Variants in CTBP1 observed in about 807,000 individuals in gnomAD.
CTBP1 encodes C-terminal-binding protein 1.
A neutral mutation model predicts 42.1 loss-of-function variants in CTBP1; 11 were observed. That is an observed-to-expected ratio of 0.26 (90% confidence interval 0.16 to 0.43). The LOEUF (loss-of-function observed/expected upper bound fraction) is 0.43, where lower values mean the gene tolerates loss of function less well. CTBP1 is among the 20% of genes least tolerant of loss of function. CTBP1 has a pLI of 1.00. For synonymous variants in CTBP1, 324 were observed against 277.1 expected (o/e 1.17, Z -1.68); for missense variants, 399 against 624.3 (o/e 0.64, Z 3.85).
At chr4:1,227,592 C>T (rs374507125) in intron 4 of CTBP1, among the ~76,000 whole-genome samples, 2 of 149,072 alleles carry the variant, frequency 1.3e-5, no homozygotes, top group African/African-American at 5.0e-5. Flanking sequence ...GATCCGTGTG[C>T]TGAGTGCATG....
intron 3 of CTBP1, among the ~76,000 whole-genome samples, chr4:1,231,642 G>A (rs1022928468): frequency 2.0e-5 from 3 of 152,236 alleles, no homozygotes; most frequent in South Asian, 4.1e-4. Flanking sequence ...TACCTTTCCA[G>A]ACCTCGTGCA....
At chr4:1,242,415 G>A (rs1465829678) in intron 1 of CTBP1, 22 of 985,360 alleles carry the variant, frequency 2.2e-5, no homozygotes, top group African/African-American at 7.0e-5. Context: ...GGGCTGAGAC[G>A]ACTGCCTGCC....
At chr4:1,246,579 C>T (rs1345594559) in intron 1 of CTBP1, among the ~76,000 whole-genome samples, 1 of 152,264 alleles carries the variant, frequency 6.6e-6, no homozygotes, top group Non-Finnish European at 1.5e-5. Context: ...TTCTCAGCAA[C>T]ACTAGTGGTG....
Position 1,223,027 on chromosome 4 carries a change from C to G in CTBP1, c.514+2333G>C, listed in dbSNP as rs575122873. 3.3e-5 allele frequency among the ~76,000 whole-genome samples: 5 copies of G among 152,306 alleles called. 1 individual carries two copies. Among genetic ancestry groups the G allele is most frequent in the African/African-American group, 9.6e-5 (4 of 41,560 alleles). ...GGCGGTGACCTGCAGGCAAGGCACA[C>G]ATGAGGCGCCTCCTGTCCTGTGGGC... On this transcript the variant is annotated intron_variant, in intron 5 of 9. Coordinates refer to ENST00000382952, the MANE Select transcript of CTBP1 (RefSeq NM_001012614.2).
upstream of CTBP1, chr4:1,249,435 CAG>C (rs1733121527): frequency 6.5e-6 from 1 of 153,652 alleles, no homozygotes; most frequent in Non-Finnish European, 1.4e-5. Context: ...GAAGCCGAGA[CAG>C]GGCCGCCCAC....
intron 5 of CTBP1, chr4:1,223,660 G>A: frequency 2.8e-6 from 1 of 362,192 alleles, no homozygotes; most frequent in South Asian, 2.0e-5. Flanking sequence ...TTCAGAAAAG[G>A]TACACCACCC....
At chr4:1,230,735 A>C (rs1730879732) in intron 3 of CTBP1, among the ~76,000 whole-genome samples, 1 of 152,240 alleles carries the variant, frequency 6.6e-6, no homozygotes, top group South Asian at 2.1e-4. Context: ...CATTCGGAGG[A>C]GACAGCGATC....
At position 1,214,440 on chromosome 4, in the gene CTBP1, G is replaced by A. The variant is rs1290217261; in HGVS notation, c.763C>T (p.Arg255Trp). 8.8e-6 allele frequency: 14 copies of A among 1,588,922 alleles called. No homozygotes were observed. Among genetic ancestry groups the A allele is most frequent in the South Asian group, 1.1e-5 (1 of 87,492 alleles). Residue 255 changes from arginine (R) to tryptophan (W), a missense_variant, in exon 7 of 10, where the codon CGG becomes TGG. Arg to Trp is a moderately radical substitution (Grantham distance 101). Coordinates refer to ENST00000382952, the MANE Select transcript of CTBP1 (RefSeq NM_001012614.2). ...GCCTTCTCATCCACCAGGCCACCCC[G>A]GGCTGTGTTCACCAGGAAGGCCCCT... is the stretch of plus-strand genomic sequence containing the variant. ...RQGAFLVNTA[R>W]GGLVDEKALA...
intron 1 of CTBP1, chr4:1,244,225 C>T (rs1266127355): frequency 3.0e-6 from 3 of 985,130 alleles, no homozygotes; most frequent in Non-Finnish European, 3.6e-6. Context: ...CACTCCGCCC[C>T]GATCCACGTG....
At chr4:1,241,894 C>A (rs755916725) in intron 1 of CTBP1, 1 of 1,066,176 alleles carries the variant, frequency 9.4e-7, no homozygotes, top group Non-Finnish European at 1.1e-6. Context: ...AGGGAAACTG[C>A]GGAAAGGCTC....
intron 7 of CTBP1, 132 bp downstream of exon 7, chr4:1,214,211 C>G: frequency 8.1e-7 from 1 of 1,229,474 alleles, no homozygotes; most frequent in Non-Finnish European, 1.1e-6. Context: ...GCGGCAAACT[C>G]CCCCACTGCT....
chr4:1,248,844 C>CCCCCGCCCGCGCGGCACCCG (rs1171179477), intron 1 of CTBP1, 72 bp downstream of exon 1: 5 of 910,022 alleles, frequency 5.5e-6, no homozygotes, highest in Admixed American at 1.3e-4. Context: ...GCCCCCGCGC[C>CCCCCGCCCGCGCGGCACCCG]CCCCGCCCGC....
chr4:1,226,796 G>T (rs1358144135), intron 4 of CTBP1, among the ~76,000 whole-genome samples: 1 of 151,628 alleles, frequency 6.6e-6, no homozygotes, highest in African/African-American at 2.4e-5. Flanking sequence ...GGCGGGAGGA[G>T]GCTGGCACAC....
Position 1,215,975 on chromosome 4 carries a change from C to T in CTBP1, c.729+16G>A, listed in dbSNP as rs1296683568. 1 of 1,597,142 alleles carries T rather than the reference C, an allele frequency of 6.3e-7. No individual in the cohort carries two copies. The highest frequency in any genetic ancestry group is 8.5e-7 in the Non-Finnish European group (1 of 1,173,548). On this transcript the variant is annotated intron_variant, in intron 6 of 9. Coordinates refer to ENST00000382952, the MANE Select transcript of CTBP1 (RefSeq NM_001012614.2). ...GCCCCGCAGAAGTAGAGTCCTGTGT[C>T]CCCGGCTCCACGCACCTGCTTGACG... is the stretch of plus-strand genomic sequence containing the variant.
intron 1 of CTBP1, chr4:1,248,712 G>T: frequency 1.0e-6 from 1 of 982,004 alleles, no homozygotes; most frequent in Non-Finnish European, 1.2e-6. Flanking sequence ...CGCACACGCA[G>T]CGGCCCGCGC....
chr4:1,235,315 C>T lies in CTBP1; in HGVS notation c.162+2868G>A, dbSNP rs1731378108. On this transcript the variant is annotated intron_variant, in intron 3 of 9. Coordinates refer to ENST00000382952, the MANE Select transcript of CTBP1 (RefSeq NM_001012614.2). The surrounding 1 kb of genome is among the most constrained non-coding windows in gnomAD (Gnocchi z 4.2). ...ACCCGTGTGAGAAACCATGAAGAAT[C>T]TTCCAGAGCGAACGCCCCAGCAGAC... 2 of 152,206 alleles carry T rather than the reference C, an allele frequency of 1.3e-5. No homozygotes were observed. The highest frequency in any genetic ancestry group is 2.9e-5 in the Non-Finnish European group (2 of 68,052). 9.4% of individuals were successfully genotyped at this position (152,206 alleles called of 1,614,324 possible).
intron 2 of CTBP1, among the ~76,000 whole-genome samples, chr4:1,240,905 G>A (rs1212868665): frequency 2.0e-5 from 3 of 152,148 alleles, no homozygotes; most frequent in Non-Finnish European, 2.9e-5. Context: ...ACGCACTTCC[G>A]GGCCAGAGAG....
At position 1,233,318 on chromosome 4, in the gene CTBP1, C is replaced by G. The variant is rs1158152184; in HGVS notation, c.162+4865G>C. On this transcript the variant is annotated intron_variant, in intron 3 of 9. Coordinates refer to ENST00000382952, the MANE Select transcript of CTBP1 (RefSeq NM_001012614.2). The surrounding 1 kb of genome is among the most constrained non-coding windows in gnomAD (Gnocchi z 4.6). ...TGTGTTTTTCCGGGATTTCTAATCACTTCGTTTCCTGCACAGCCCCAGCAC... is the reference window on the plus strand; with the variant it reads ...TGTGTTTTTCCGGGATTTCTAATCAGTTCGTTTCCTGCACAGCCCCAGCAC... 1.3e-5 allele frequency: 2 copies of G among 152,334 alleles called. No homozygotes were observed. The highest frequency in any genetic ancestry group is 4.8e-5 in the African/African-American group (2 of 41,444). 9.4% of individuals were successfully genotyped at this position (152,334 alleles called of 1,614,324 possible).
rs370399291 is a variant in CTBP1 at position 1,225,460 on chromosome 4, C to T, written c.414G>A (p.Ala138=). ...TCTGGACTCGTGTGCCCTCCCGCAG[C>T]GCCTGGTGCAGCCAGGTGGCCCGCC... ...LYRRATWLHQ[A]LREGTRVQSV... The change falls in exon 5 of 10, where the codon GCG becomes GCA. Residue 138 remains alanine (A), a synonymous_variant. Transcript: ENST00000382952. The T allele has an allele frequency of 5.5e-5, 85 of 1,543,220 alleles. No individual in the cohort carries two copies. Among genetic ancestry groups the T allele is most frequent in the Middle Eastern group, 1.7e-4 (1 of 6,006 alleles).
Sources: allele counts gnomAD v4.1 joint callset (sites outside exome capture counted in the v4.1 genomes callset), GRCh38; gene constraint gnomAD v4.1.1; non-coding constraint Gnocchi (gnomAD v3.1); transcripts MANE v1.5; gene names NCBI Gene and HGNC (gene_info 2026-07-23, HGNC 2026-07-21).